The following MRC1 variants were observed in gnomAD, a reference collection of about 807,000 sequenced individuals.
MRC1 encodes the protein macrophage mannose receptor 1.
Under a neutral mutation model 102.9 loss-of-function variants are expected in MRC1, and 62 were observed. The observed-to-expected ratio is 0.60, with a 90% confidence interval of 0.49 to 0.74. The LOEUF is 0.74. Ranked by LOEUF, MRC1 falls within the 30% of genes least tolerant of loss-of-function variation. The pLI is 0.00. For synonymous variants in MRC1, 457 were observed against 298.4 expected, an observed-to-expected ratio of 1.53 and a Z score of -5.48; for missense variants, 1,237 against 862.8, an observed-to-expected ratio of 1.43 and a Z score of -5.43.
At position 17,907,569 on chromosome 10, in the gene MRC1, T is replaced by C; in HGVS notation, c.3949T>C (p.Phe1317Leu). 1 of 780,904 alleles carries C rather than the reference T, an allele frequency of 1.3e-6. No homozygotes were observed. The highest frequency in any genetic ancestry group is 2.4e-6 in the Non-Finnish European group (1 of 417,962). 48.4% of individuals were successfully genotyped at this position (780,904 alleles called of 1,614,324 possible). A position where few individuals can be genotyped will look rare whatever the true frequency, so the allele number is the denominator to read the frequency against. ...GTGGATAAATAACAGTCCGGTCTCC[T>C]TTGTCAACTGGAACACAGGAGATCC... Reference protein sequence around the residue: ...WLWINNSPVSFVNWNTGDPSG... With the variant: ...WLWINNSPVSLVNWNTGDPSG... Residue 1317 changes from phenylalanine (F) to leucine (L), a missense_variant, in exon 28 of 30, where the codon TTT becomes CTT. Transcript: ENST00000569591.
chr10:17,887,903 C>T (rs1833622906), intron 22 of MRC1, among the ~76,000 whole-genome samples: 1 of 152,114 alleles, frequency 6.6e-6, no homozygotes, highest in Non-Finnish European at 1.5e-5. Flanking sequence ...CCCGGGTTCA[C>T]GTGATTCTCC....
intron 24 of MRC1, among the ~76,000 whole-genome samples, chr10:17,898,885 C>T (rs921618359): frequency 3.3e-5 from 5 of 152,258 alleles, no homozygotes; most frequent in Non-Finnish European, 1.5e-5. Flanking sequence ...CTCTATTCAT[C>T]CTTCTAGCTA....
intron 7 of MRC1, 102 bp downstream of exon 7, chr10:17,849,866 T>G: frequency 1.6e-6 from 1 of 629,360 alleles, no homozygotes; most frequent in Non-Finnish European, 2.9e-6. Context: ...ATTTAATCAA[T>G]GTAAATCAAT....
chr10:17,904,149 A>G (rs1257191755), intron 26 of MRC1, among the ~76,000 whole-genome samples: 3 of 152,332 alleles, frequency 2.0e-5, no homozygotes, highest in African/African-American at 7.2e-5. Context: ...TTATCTTTCA[A>G]TTAGAAAAGA....
intron 12 of MRC1, among the ~76,000 whole-genome samples, chr10:17,867,583 A>G (rs1051061691): frequency 2.2e-4 from 33 of 152,046 alleles, no homozygotes; most frequent in African/African-American, 6.8e-4. Context: ...TGCCTAGCTA[A>G]TTTTTAAAAT....
rs948655015 is a variant in MRC1 at position 17,910,574 on chromosome 10, G to T, written c.*109G>T. 1.3e-6 allele frequency: 1 copy of T among 747,712 alleles called. No individual in the cohort carries two copies. The highest frequency in any genetic ancestry group is 1.7e-5 in the African/African-American group (1 of 57,472). 46.3% of individuals were successfully genotyped at this position (747,712 alleles called of 1,614,324 possible). ...TTTAAAATGAGTACTGAATTGTACT[G>T]GTCTGTCCTTTTTTCCTTTGCCTAA... On this transcript the variant is annotated 3_prime_UTR_variant, in exon 30 of 30. Transcript: ENST00000569591.
intron 4 of MRC1, among the ~76,000 whole-genome samples, chr10:17,835,000 A>G (rs1838641646): frequency 6.6e-6 from 1 of 152,190 alleles, no homozygotes; most frequent in Non-Finnish European, 1.5e-5. Flanking sequence ...TTCCCATCAA[A>G]TAATTAACAA....
chr10:17,856,221 C>T (rs1554840886), intron 8 of MRC1, 21 bp from the exon 9 acceptor site: 609,675 of 813,296 alleles, frequency 0.75, 227,123 homozygotes, highest in South Asian at 0.83. Context: ...TTATTTTTTT[C>T]TCTCTCTCTG....
intron 23 of MRC1, 82 bp downstream of exon 23, chr10:17,894,394 C>CTTTTTTT (rs34625338): frequency 2.1e-4 from 86 of 406,226 alleles, no homozygotes; most frequent in Non-Finnish European, 2.5e-4. Context: ...TTCTTTCTTT[C>CTTTTTTT]TTTTTTTTTT....
chr10:17,831,925 A>G (rs986060850), intron 3 of MRC1, among the ~76,000 whole-genome samples: 1 of 151,750 alleles, frequency 6.6e-6, no homozygotes, highest in African/African-American at 2.4e-5. Context: ...AAAATAGCAA[A>G]GGAAGAAATC....
At chr10:17,828,290 A>G (rs1271184652) in intron 3 of MRC1, among the ~76,000 whole-genome samples, 1 of 151,234 alleles carries the variant, frequency 6.6e-6, no homozygotes, top group Non-Finnish European at 1.5e-5. Context: ...GTTAGCCAGG[A>G]TGGTCTCGAT....
chr10:17,814,307 C>T (rs1838272218), intron 1 of MRC1, among the ~76,000 whole-genome samples: 1 of 152,056 alleles, frequency 6.6e-6, no homozygotes, highest in Admixed American at 6.6e-5. Context: ...CAAAATAACA[C>T]TATGTTAGAA....
In MRC1 at chr10:17,907,603, A is replaced by G; in HGVS notation, c.3983A>G (p.Glu1328Gly). The G allele has an allele frequency of 1.3e-6, 1 of 780,912 alleles. No individual in the cohort carries two copies. Among genetic ancestry groups the G allele is most frequent in the South Asian group, 1.3e-5 (1 of 74,620 alleles). The allele number at this position is 780,912 out of a possible 1,614,324, so 48.4% of individuals were successfully genotyped here. ...TGGAACACAGGAGATCCCTCTGGTGAACGGAATGATTGTGTAGCTTTACAT... is the reference window on the plus strand; with the variant it reads ...TGGAACACAGGAGATCCCTCTGGTGGACGGAATGATTGTGTAGCTTTACAT... ...VNWNTGDPSG[E>G]RNDCVALHAS... is the part of the protein sequence containing the mutation. The change falls in exon 28 of 30, where the codon GAA (glutamate) becomes GGA (glycine). Residue 1328 changes from glutamate to glycine, a missense_variant. By Grantham distance (98) the Glu-to-Gly change is moderately conservative. Transcript: ENST00000569591.
intron 17 of MRC1, 44 bp downstream of exon 17, chr10:17,875,297 G>A (rs2130682798): frequency 1.3e-6 from 1 of 777,584 alleles, no homozygotes; most frequent in Non-Finnish European, 2.4e-6. Context: ...AGTTTTTGGG[G>A]AACAGGTGTT....
chr10:17,832,657 G>A (rs1376261172), intron 3 of MRC1, among the ~76,000 whole-genome samples: 2 of 145,992 alleles, frequency 1.4e-5, no homozygotes, highest in Middle Eastern at 3.2e-3. Flanking sequence ...ACGCGATCTC[G>A]GCTCACTGCA....
intron 21 of MRC1, among the ~76,000 whole-genome samples, chr10:17,884,518 T>C (rs1408939543): frequency 1.3e-5 from 2 of 152,192 alleles, no homozygotes; most frequent in Non-Finnish European, 2.9e-5. Context: ...CACTTCCACA[T>C]GGCTGGGGAG....
intron 1 of MRC1, among the ~76,000 whole-genome samples, chr10:17,814,271 T>C (rs1309767403): frequency 2.6e-5 from 4 of 152,154 alleles, no homozygotes; most frequent in Admixed American, 2.0e-4. Flanking sequence ...CTGGAGTGTG[T>C]TGATCAGGAA....
chr10:17,883,171 A>G (rs1325706787), intron 21 of MRC1, among the ~76,000 whole-genome samples: 1 of 152,204 alleles, frequency 6.6e-6, no homozygotes, highest in African/African-American at 2.4e-5. Context: ...TTGATCACCC[A>G]GGCTGGAGAG....
At chr10:17,887,878 CTG>C (rs1833622462) in intron 22 of MRC1, among the ~76,000 whole-genome samples, 1 of 152,198 alleles carries the variant, frequency 6.6e-6, no homozygotes, top group Non-Finnish European at 1.5e-5. Context: ...TCTCGGCTCA[CTG>C]CAACTTCCAC....
Sources: gnomAD v4.1 joint callset for allele counts (sites outside exome capture counted in the v4.1 genomes callset) on GRCh38, gnomAD v4.1.1 for gene constraint, MANE v1.5 for transcripts, NCBI Gene and HGNC (gene_info 2026-07-23, HGNC 2026-07-21) for gene names.